Variants in SEC16B observed in about 807,000 individuals in gnomAD.
SEC16B encodes the protein protein transport protein Sec16B.
SEC16B carries 115 observed loss-of-function variants against 141.8 expected under a neutral mutation model. The observed-to-expected ratio is 0.81, with a 90% CI of 0.70 to 0.95. SEC16B has a LOEUF of 0.95. Ranked by LOEUF, SEC16B falls within the 40% of genes least tolerant of loss-of-function variation. SEC16B has a pLI of 0.00. For missense variants in SEC16B, 1,291 were observed against 1,312.3 expected (o/e 0.98, Z 0.25); for synonymous variants, 493 against 492.5 (o/e 1.00, Z -0.01).
At chr1:177,935,438 A>G (rs952342302) in intron 20 of SEC16B, among the ~76,000 whole-genome samples, 2 of 152,244 alleles carry the variant, frequency 1.3e-5, no homozygotes, top group African/African-American at 4.8e-5. Context: ...AGTAACAGAT[A>G]TGAAATAAAG....
At chr1:177,977,957 C>T (rs114783482) in intron 1 of SEC16B, among the ~76,000 whole-genome samples, 2,437 of 152,140 alleles carry the variant, frequency 0.016, 34 homozygotes, top group Non-Finnish European at 0.024. Flanking sequence ...GGAAAAACAC[C>T]ATAGAAAGTG....
chr1:177,961,342 G>A (rs756189733), intron 6 of SEC16B: 3 of 507,860 alleles, frequency 5.9e-6, no homozygotes. Flanking sequence ...AAGCACCACT[G>A]AGTGCCTCCT....
chr1:177,942,170 T>C lies in SEC16B; in HGVS notation c.1882-130A>G, dbSNP rs550687183. On this transcript the variant is annotated intron_variant, in intron 15 of 25. Coordinates refer to ENST00000308284, the MANE Select transcript of SEC16B (RefSeq NM_033127.4). ...TCTGGCATCCAAATACCAAGAGGCT[T>C]GTGCCATTTGGAGCATTTTATCTAT... 2.8e-5 allele frequency: 28 copies of C among 1,013,600 alleles called. No individual in the cohort carries two copies. In the South Asian group the frequency reaches 5.0e-4, roughly 18 times the overall value. 62.8% of individuals were successfully genotyped at this position (1,013,600 alleles called of 1,614,324 possible).
rs947781357 is a variant in SEC16B, at chr1:177,954,496, C to A, written c.1366-120G>T. On this transcript the variant is annotated intron_variant, in intron 10 of 25. Transcript: ENST00000308284. The stretch of plus-strand genomic sequence containing the variant: ...CTAGGCTTCCAGAAAACTCTTAGAG[C>A]CTCATATAAGAATGTGAACAGCCAG... The A allele has an allele frequency of 1.8e-5, 13 of 727,066 alleles. No homozygotes were observed. In the African/African-American group the frequency reaches 2.3e-4, roughly 13 times the overall value. The allele number at this position is 727,066 out of a possible 1,614,324, so 45.0% of individuals were successfully genotyped here. A position where few individuals can be genotyped will look rare whatever the true frequency, so the allele number is the denominator to read the frequency against.
intron 10 of SEC16B, among the ~76,000 whole-genome samples, chr1:177,954,704 A>G (rs1485533855): frequency 6.6e-6 from 1 of 152,260 alleles, no homozygotes; most frequent in Non-Finnish European, 1.5e-5. Context: ...ATACCAATGT[A>G]TAGTACACTT....
chr1:177,967,603 A>G, intron 2 of SEC16B, 80 bp downstream of exon 2: 1 of 1,369,004 alleles, frequency 7.3e-7, no homozygotes, highest in Non-Finnish European at 9.8e-7. Context: ...GAAAAATAAA[A>G]GGAAAAGGAA....
chr1:177,930,508 A>T (rs759031018), intron 25 of SEC16B, 37 bp downstream of exon 25: 123 of 1,451,906 alleles, frequency 8.5e-5, no homozygotes, highest in Non-Finnish European at 1.1e-4. Context: ...CAAAACCTGT[A>T]CTCCTGGCCA....
chr1:177,983,087 A>T (rs1458233530), intron 1 of SEC16B, among the ~76,000 whole-genome samples: 2 of 152,154 alleles, frequency 1.3e-5, no homozygotes, highest in Non-Finnish European at 2.9e-5. Context: ...GAAATAAAGC[A>T]CCTGTCCCCG....
At chr1:177,930,970 C>T (rs959777310) in intron 24 of SEC16B, among the ~76,000 whole-genome samples, 2 of 152,140 alleles carry the variant, frequency 1.3e-5, no homozygotes, top group African/African-American at 4.8e-5. Context: ...TTATACACCG[C>T]TGGTGGGAAT....
chr1:177,963,683 TA>T lies in SEC16B; in HGVS notation c.642+487del, dbSNP rs200283982. 3.8e-3 allele frequency among the ~76,000 whole-genome samples: 584 copies of T among 152,330 alleles called. 5 individuals carry two copies. The highest frequency in any genetic ancestry group is 0.014 in the African/African-American group (571 of 41,572). Reference sequence around the variant, plus strand: ...TTATCCTAAAATAAAAAGTTTATTTTAAAAAAGATTTCCATTTTGTGGCCCA... The same window carrying T: ...TTATCCTAAAATAAAAAGTTTATTTTAAAAAGATTTCCATTTTGTGGCCCA... On this transcript the variant is annotated intron_variant, in intron 5 of 25. Transcript: ENST00000308284.
intron 4 of SEC16B, among the ~76,000 whole-genome samples, chr1:177,964,711 C>A (rs960587650): frequency 2.0e-5 from 3 of 152,210 alleles, no homozygotes; most frequent in African/African-American, 7.2e-5. Flanking sequence ...CAGGTAAGTT[C>A]TCATGACCTA....
intron 20 of SEC16B, 103 bp downstream of exon 20, chr1:177,936,195 A>C: frequency 1.2e-6 from 1 of 867,312 alleles, no homozygotes; most frequent in Non-Finnish European, 1.9e-6. Context: ...AAGCTGCTGC[A>C]ACACTGAGGA....
chr1:177,969,002 C>T (rs765071942), intron 1 of SEC16B, among the ~76,000 whole-genome samples: 14 of 152,174 alleles, frequency 9.2e-5, no homozygotes, highest in Non-Finnish European at 1.9e-4. Context: ...TAGCGGGGGA[C>T]AGGGGTTGCA....
chr1:177,929,723 A>C lies in SEC16B; in HGVS notation c.*135T>G. The C allele has an allele frequency of 1.2e-6, 1 of 823,142 alleles. No individual in the cohort carries two copies. The highest frequency in any genetic ancestry group is 2.0e-6 in the Non-Finnish European group (1 of 499,500). The allele number at this position is 823,142 out of a possible 1,614,324, so 51.0% of individuals were successfully genotyped here. A position where few individuals can be genotyped will look rare whatever the true frequency, so the allele number is the denominator to read the frequency against. ...AGAGATCCTGTCCTCTTGCCTTCTA[A>C]GTGCCCGGTGGAGGCATCGGGCTAG... is the stretch of plus-strand genomic sequence containing the variant. On this transcript the variant is annotated 3_prime_UTR_variant, in exon 26 of 26. Coordinates refer to ENST00000308284, the MANE Select transcript of SEC16B (RefSeq NM_033127.4).
At chr1:177,961,089 T>C in intron 6 of SEC16B, 150 bp from the exon 7 acceptor site, 1 of 760,154 alleles carries the variant, frequency 1.3e-6, no homozygotes, top group Non-Finnish European at 2.1e-6. Flanking sequence ...AAGAAGCCCA[T>C]GTTCCCTGCT....
chr1:177,946,452 T>C lies in SEC16B; in HGVS notation c.1743A>G (p.Thr581=). The C allele has an allele frequency of 6.3e-7, 1 of 1,579,048 alleles. No individual in the cohort carries two copies. Among genetic ancestry groups the C allele is most frequent in the Non-Finnish European group, 8.6e-7 (1 of 1,162,714 alleles). ...HVPFGHYTVK[T]DHLVLLGSSH... Reference sequence around the variant, plus strand: ...TGCTGCCCAGCAAGACCAGATGGTCTGTCTTCACGGTGTAGTGGCCAAAGG... The same window carrying C: ...TGCTGCCCAGCAAGACCAGATGGTCCGTCTTCACGGTGTAGTGGCCAAAGG... The change falls in exon 14 of 26, where the codon ACA becomes ACG. Residue 581 remains threonine, a synonymous_variant. Transcript: ENST00000308284.
rs377667922 is a variant in SEC16B at position 177,967,964 on chromosome 1, G to T, written c.18C>A (p.Pro6=). The change falls in exon 2 of 26, where the codon CCC becomes CCA. Residue 6 remains proline (P), a synonymous_variant. Transcript: ENST00000308284. The part of the protein sequence containing the change: MELWA[P]QRLPQTRGKA... ...TCCCTCGTGTCTGGGGCAGCCTCTG[G>T]GGAGCCCAAAGTTCCATCCTTGACT... is the stretch of plus-strand genomic sequence containing the variant. The T allele has an allele frequency of 6.2e-7, 1 of 1,607,086 alleles. No homozygotes were observed. Among genetic ancestry groups the T allele is most frequent in the Non-Finnish European group, 8.5e-7 (1 of 1,174,350 alleles).
chr1:177,960,492 G>A, intron 7 of SEC16B, 89 bp from the exon 8 acceptor site: 1 of 947,296 alleles, frequency 1.1e-6, no homozygotes. Flanking sequence ...CCAAGGCCGT[G>A]GGGCTAGGAT....
Position 177,958,153 on chromosome 1 carries a change from C to A in SEC16B, c.1344G>T (p.Leu448=). ...TTGCCTTCTTCCTTCCATAGTAGAG[C>A]AGCCTAGTGAATTTCTCCACGATCT... ...PAQIVEKFTR[L]LYYGRKKEAL... Residue 448 remains leucine, a synonymous_variant, in exon 10 of 26, where the codon CTG becomes CTT. Transcript: ENST00000308284. 6.5e-7 allele frequency: 1 copy of A among 1,534,166 alleles called. No homozygotes were observed. Among genetic ancestry groups the A allele is most frequent in the Admixed American group, 2.0e-5 (1 of 51,154 alleles).
Sources: gnomAD v4.1 joint callset for allele counts (sites outside exome capture counted in the v4.1 genomes callset) on GRCh38, gnomAD v4.1.1 for gene constraint, MANE v1.5 for transcripts, NCBI Gene and HGNC (gene_info 2026-07-23, HGNC 2026-07-21) for gene names.